Variants in AIMP1 observed in about 807,000 individuals in gnomAD.
AIMP1 encodes the protein aminoacyl tRNA synthase complex-interacting multifunctional protein 1.
In AIMP1, 24 loss-of-function variants were observed where a neutral mutation model predicts 33.1. The observed-to-expected ratio is 0.73, with a 90% CI of 0.53 to 1.02. AIMP1 has a LOEUF of 1.02. Among genes scored for constraint, AIMP1 ranks in the 50% least tolerant of loss-of-function variants. The pLI is 0.00. For missense variants in AIMP1, 367 were observed against 364.8 expected (o/e 1.01, Z -0.05); for synonymous variants, 120 against 121.5 (o/e 0.99, Z 0.08).
chr4:106,316,391 T>G, upstream of AIMP1: 1 of 689,022 alleles, frequency 1.5e-6, no homozygotes, highest in Non-Finnish European at 2.5e-6. Flanking sequence ...GGTGAGGGAA[T>G]GGAAGACGAG....
intron 5 of AIMP1, among the ~76,000 whole-genome samples, chr4:106,335,512 T>C (rs1315737337): frequency 6.6e-6 from 1 of 152,162 alleles, no homozygotes; most frequent in African/African-American, 2.4e-5. Flanking sequence ...TTATATACTC[T>C]GTTTTGTAGG....
intron 1 of AIMP1, among the ~76,000 whole-genome samples, chr4:106,322,321 T>C (rs1769295721): frequency 6.6e-6 from 1 of 151,990 alleles, no homozygotes; most frequent in African/African-American, 2.4e-5. Context: ...ATAGAAAATT[T>C]AGATAACTTT....
chr4:106,341,643 T>A (rs943247390), intron 6 of AIMP1, among the ~76,000 whole-genome samples: 3 of 152,166 alleles, frequency 2.0e-5, no homozygotes, highest in African/African-American at 7.2e-5. Flanking sequence ...GTTGCATTTG[T>A]CTGTGTGTCT....
intron 6 of AIMP1, 104 bp downstream of exon 6, chr4:106,337,141 C>A: frequency 9.4e-7 from 1 of 1,067,058 alleles, no homozygotes; most frequent in East Asian, 2.4e-5. Flanking sequence ...AATCATGAGT[C>A]TTACATTAAT....
chr4:106,343,015 C>T (rs554843060), intron 6 of AIMP1, among the ~76,000 whole-genome samples: 1 of 152,010 alleles, frequency 6.6e-6, no homozygotes, highest in Non-Finnish European at 1.5e-5. Flanking sequence ...AGCCAACCTC[C>T]CACCTCAGCC....
At chr4:106,344,590 C>T (rs1343397463) in intron 6 of AIMP1, among the ~76,000 whole-genome samples, 2 of 152,162 alleles carry the variant, frequency 1.3e-5, no homozygotes, top group African/African-American at 4.8e-5. Context: ...CCTCCCTGTT[C>T]TTCCATTTAT....
intron 4 of AIMP1, among the ~76,000 whole-genome samples, chr4:106,331,468 C>T (rs564128813): frequency 6.6e-6 from 1 of 152,302 alleles, no homozygotes; most frequent in South Asian, 2.1e-4. Context: ...AATAGAAATA[C>T]AACAGAGAAA....
intron 2 of AIMP1, 37 bp from the exon 3 acceptor site, chr4:106,327,414 T>C: frequency 1.3e-6 from 2 of 1,498,640 alleles, no homozygotes; most frequent in Non-Finnish European, 1.9e-6. Flanking sequence ...AAAACCTCTT[T>C]TAAAAACATA....
intron 6 of AIMP1, among the ~76,000 whole-genome samples, chr4:106,345,943 T>G (rs1049281084): frequency 3.3e-5 from 5 of 150,330 alleles, no homozygotes; most frequent in African/African-American, 1.2e-4. Context: ...TTCCAGTAAT[T>G]AAGTAATTCC....
In AIMP1 at chr4:106,347,945, A is replaced by T. The variant is rs1254834544; in HGVS notation, c.*253A>T. On this transcript the variant is annotated 3_prime_UTR_variant, in exon 7 of 7. Coordinates refer to ENST00000672341, the MANE Select transcript of AIMP1 (RefSeq NM_001142416.2). ...TAATAATTTATTTTTTAGCAGGAATATTGATTAGCAGCTTTTTTTTCTTTA... is the reference window on the plus strand; with the variant it reads ...TAATAATTTATTTTTTAGCAGGAATTTTGATTAGCAGCTTTTTTTTCTTTA... The T allele has an allele frequency of 6.3e-6, 2 of 319,592 alleles. No individual in the cohort carries two copies. The highest frequency in any genetic ancestry group is 2.2e-5 in the African/African-American group (1 of 45,642). 19.8% of individuals were successfully genotyped at this position (319,592 alleles called of 1,614,324 possible).
chr4:106,319,232 G>A (rs766208320), intron 1 of AIMP1, among the ~76,000 whole-genome samples: 1 of 152,198 alleles, frequency 6.6e-6, no homozygotes, highest in East Asian at 1.9e-4. Flanking sequence ...TGTTGTCATC[G>A]TGGGGCAGAG....
At chr4:106,339,864 A>C (rs977849958) in intron 6 of AIMP1, among the ~76,000 whole-genome samples, 2 of 152,192 alleles carry the variant, frequency 1.3e-5, no homozygotes, top group African/African-American at 4.8e-5. Flanking sequence ...TATAGAGAAA[A>C]TATCTAAGTT....
chr4:106,317,309 CAGAGTTGAGTGA>C (rs1768983058), intron 1 of AIMP1, among the ~76,000 whole-genome samples: 2 of 152,158 alleles, frequency 1.3e-5, no homozygotes, highest in Admixed American at 1.3e-4. Context: ...GCCTGTAGGG[CAGAGTTGAGTGA>C]AGGGTTTAGT....
intron 1 of AIMP1, among the ~76,000 whole-genome samples, chr4:106,319,887 T>C (rs1561020047): frequency 6.6e-6 from 1 of 152,212 alleles, no homozygotes; most frequent in Admixed American, 6.5e-5. Context: ...AGAGAAATTA[T>C]AGCTAGAGCA....
At chr4:106,316,744 AAACAGG>A in intron 1 of AIMP1, 150 bp downstream of exon 1, 1 of 664,614 alleles carries the variant, frequency 1.5e-6, no homozygotes, top group Non-Finnish European at 2.5e-6. Context: ...TGGCCTAAGG[AAACAGG>A]AAAGAGTTTG....
chr4:106,316,173 G>C (rs147248863), upstream of AIMP1: 90 of 175,868 alleles, frequency 5.1e-4, no homozygotes, highest in African/African-American at 1.9e-3. Context: ...CGCAAGCCTG[G>C]CCTTCCCCAA....
intron 5 of AIMP1, among the ~76,000 whole-genome samples, chr4:106,333,919 A>G (rs1769772446): frequency 6.6e-6 from 1 of 152,116 alleles, no homozygotes; most frequent in South Asian, 2.1e-4. Flanking sequence ...TGAATACCAT[A>G]TTTACTTTCT....
rs777168457 is a variant in AIMP1 at position 106,328,089 on chromosome 4, A to G, written c.237A>G (p.Pro79=). Residue 79 remains proline, a synonymous_variant, in exon 4 of 7, where the codon CCA becomes CCG. Coordinates refer to ENST00000672341, the MANE Select transcript of AIMP1 (RefSeq NM_001142416.2). ...TTTCTGTCTCAGTGAAGCAAATACC[A>G]TTTCCATCTGGTACTCCACTGCACG... The part of the protein sequence containing the change: ...AEIQNGVKQI[P]FPSGTPLHAN... The G allele has an allele frequency of 1.7e-5, 27 of 1,612,930 alleles. No individual in the cohort carries two copies. The highest frequency in any genetic ancestry group is 2.2e-5 in the Non-Finnish European group (26 of 1,179,254).
At chr4:106,320,982 G>A (rs1190325257) in intron 1 of AIMP1, among the ~76,000 whole-genome samples, 2 of 152,164 alleles carry the variant, frequency 1.3e-5, no homozygotes, top group South Asian at 2.1e-4. Context: ...TCCTGACCGC[G>A]AGTGATCTGC....
Sources: allele counts gnomAD v4.1 joint callset (sites outside exome capture counted in the v4.1 genomes callset), GRCh38; gene constraint gnomAD v4.1.1; transcripts MANE v1.5; gene names NCBI Gene and HGNC (gene_info 2026-07-23, HGNC 2026-07-21).